The following TMEFF2 variants were observed in gnomAD, a reference collection of about 807,000 sequenced individuals.
TMEFF2 encodes transmembrane protein with EGF like and two follistatin like domains 2.
In TMEFF2, 28 loss-of-function variants were observed where a neutral mutation model predicts 53.8. The ratio of observed to expected loss-of-function variants is 0.52; its 90% CI spans 0.39 to 0.71. The LOEUF is 0.71. Ranked by LOEUF, TMEFF2 falls within the 30% of genes least tolerant of loss-of-function variation. The pLI is 0.00. For synonymous variants in TMEFF2, 162 were observed against 166.3 expected (o/e 0.97, Z 0.20); for missense variants, 353 against 455.2 (o/e 0.78, Z 2.04).
intron 5 of TMEFF2, among the ~76,000 whole-genome samples, chr2:192,004,791 C>T (rs569905419): frequency 1.3e-4 from 20 of 152,166 alleles, no homozygotes; most frequent in African/African-American, 4.3e-4. Context: ...AGAAACTATC[C>T]CTTCACTGCT....
At chr2:191,950,581 G>A in intron 9 of TMEFF2, 174 bp from the exon 10 acceptor site, 1 of 954,154 alleles carries the variant, frequency 1.0e-6, no homozygotes, top group Non-Finnish European at 1.6e-6. Context: ...TTGCTTTTCT[G>A]TGCAGTTGTC....
intron 7 of TMEFF2, among the ~76,000 whole-genome samples, chr2:191,971,883 G>A (rs575055500): frequency 5.3e-4 from 80 of 152,266 alleles, no homozygotes; most frequent in African/African-American, 1.4e-3. Context: ...GAATAGTAGC[G>A]TGGGATACTA....
At position 191,956,394 on chromosome 2, in the gene TMEFF2, A is replaced by G; in HGVS notation, c.746-16T>C. 1 of 1,610,150 alleles carries G rather than the reference A, an allele frequency of 6.2e-7. No individual in the cohort carries two copies. The highest frequency in any genetic ancestry group is 8.5e-7 in the Non-Finnish European group (1 of 1,178,526). ...TTAGCATTCTCTGTGAATACAGATA[A>G]AAGTAAGCACCCCCTGTAAATACTT... On this transcript the variant is annotated splice_polypyrimidine_tract_variant and intron_variant, in intron 7 of 9. Transcript: ENST00000272771.
chr2:192,151,076 G>C (rs1451378333), intron 4 of TMEFF2, among the ~76,000 whole-genome samples: 2 of 151,772 alleles, frequency 1.3e-5, no homozygotes, highest in African/African-American at 4.8e-5. Flanking sequence ...GTTCTCATAA[G>C]ATCTGATGGT....
intron 7 of TMEFF2, among the ~76,000 whole-genome samples, chr2:191,971,913 A>G (rs1692652976): frequency 6.6e-6 from 1 of 152,184 alleles, no homozygotes; most frequent in Non-Finnish European, 1.5e-5. Context: ...TAAAAGTCAT[A>G]TTGAGGAAAG....
chr2:192,136,596 CA>C (rs1379248821), intron 4 of TMEFF2, among the ~76,000 whole-genome samples: 1 of 152,012 alleles, frequency 6.6e-6, no homozygotes, highest in Non-Finnish European at 1.5e-5. Context: ...CCTTTATGAC[CA>C]AAACATAGGT....
chr2:191,973,596 G>T (rs1046688266), intron 7 of TMEFF2, among the ~76,000 whole-genome samples: 7 of 65,118 alleles, frequency 1.1e-4, no homozygotes, highest in African/African-American at 2.8e-4. Flanking sequence ...TAAAGGCAGA[G>T]AACTCCAGAA....
Position 192,136,381 on chromosome 2 carries a change from A to C in TMEFF2, c.439+43287T>G, listed in dbSNP as rs552751616. 3.3e-5 allele frequency among the ~76,000 whole-genome samples: 5 copies of C among 152,270 alleles called. No homozygotes were observed. In the South Asian group the frequency reaches 1.0e-3, roughly 32 times the overall value. On this transcript the variant is annotated intron_variant, in intron 4 of 9. Transcript: ENST00000272771. ...CCCTATTTTCAGATTCAGCTTCCTT[A>C]TCTCTTGCCTTTTTATGATTCATAA... is the stretch of plus-strand genomic sequence containing the variant.
chr2:192,076,274 T>G (rs1021706577), intron 4 of TMEFF2, among the ~76,000 whole-genome samples: 3 of 152,106 alleles, frequency 2.0e-5, no homozygotes, highest in Admixed American at 6.6e-5. Context: ...ATTATTGTCC[T>G]CTCCTTTCTA....
At chr2:191,955,548 T>TTTTTTTTTTTTG (rs1559059111) in intron 8 of TMEFF2, among the ~76,000 whole-genome samples, 2 of 145,270 alleles carry the variant, frequency 1.4e-5, no homozygotes, top group African/African-American at 5.1e-5. Context: ...TTTTTTTTTT[T>TTTTTTTTTTTTG]AGAGATAGGA....
intron 4 of TMEFF2, among the ~76,000 whole-genome samples, chr2:192,169,951 A>G (rs1424048572): frequency 6.8e-6 from 1 of 147,442 alleles, no homozygotes; most frequent in Non-Finnish European, 1.5e-5. Context: ...TAACCATTTA[A>G]TATCACCCCA....
At chr2:191,990,547 C>T (rs910167083) in intron 7 of TMEFF2, among the ~76,000 whole-genome samples, 3 of 151,878 alleles carry the variant, frequency 2.0e-5, no homozygotes, top group African/African-American at 4.8e-5. Context: ...AAGCTTCATA[C>T]ATTCTACCTG....
rs188111375 is a variant in TMEFF2, at chr2:192,041,410, T to G, written c.536+16269A>C. Among the ~76,000 whole-genome samples the G allele has an allele frequency of 2.6e-4, 39 of 152,160 alleles. No individual in the cohort carries two copies. In the East Asian group the frequency reaches 6.8e-3, roughly 26 times the overall value. ...TGTGAAATGTGAATCAAAACCACAA[T>G]CAGATACCACTTCATACCAACTAGG... On this transcript the variant is annotated intron_variant, in intron 5 of 9. Transcript: ENST00000272771.
chr2:192,041,154 G>T (rs913896105), intron 5 of TMEFF2, among the ~76,000 whole-genome samples: 1 of 152,114 alleles, frequency 6.6e-6, no homozygotes, highest in Non-Finnish European at 1.5e-5. Context: ...CAAAGGATAC[G>T]GTCAAGAGAG....
At chr2:192,092,191 G>A (rs76600727) in intron 4 of TMEFF2, among the ~76,000 whole-genome samples, 2,874 of 151,856 alleles carry the variant, frequency 0.019, 33 homozygotes, top group Non-Finnish European at 0.029. Flanking sequence ...TTGAATGAGT[G>A]GAAAAAAAAT....
At chr2:192,145,553 TA>T (rs5837286) in intron 4 of TMEFF2, among the ~76,000 whole-genome samples, 5 of 151,452 alleles carry the variant, frequency 3.3e-5, no homozygotes, top group East Asian at 1.9e-4. Context: ...CACTACATGA[TA>T]AAAAAAATGA....
chr2:191,986,018 A>G (rs1410851375), intron 7 of TMEFF2, among the ~76,000 whole-genome samples: 20 of 152,222 alleles, frequency 1.3e-4, no homozygotes, highest in African/African-American at 4.8e-4. Context: ...TTGAGCTATG[A>G]AAGTTTTCAT....
chr2:192,064,495 C>G (rs1688122747), intron 4 of TMEFF2, among the ~76,000 whole-genome samples: 1 of 151,854 alleles, frequency 6.6e-6, no homozygotes, highest in South Asian at 2.1e-4. Context: ...GATTTGACGT[C>G]TGTTCTGTAT....
intron 7 of TMEFF2, among the ~76,000 whole-genome samples, chr2:191,964,420 C>CTT (rs778619106): frequency 9.7e-6 from 1 of 103,286 alleles, no homozygotes; most frequent in Non-Finnish European, 2.0e-5. Context: ...TTCTTTCTTT[C>CTT]TTTCTTTCTT....
Sources: gnomAD v4.1 joint callset for allele counts (sites outside exome capture counted in the v4.1 genomes callset) on GRCh38, gnomAD v4.1.1 for gene constraint, MANE v1.5 for transcripts, NCBI Gene and HGNC (gene_info 2026-07-23, HGNC 2026-07-21) for gene names.